SPOCK3: variants seen among roughly 807,000 people sequenced by gnomAD.
SPOCK3 encodes SPARC (osteonectin), cwcv and kazal like domains proteoglycan 3.
SPOCK3 carries 30 observed loss-of-function variants against 56.6 expected under a neutral mutation model. That is an observed-to-expected ratio of 0.53 (90% CI 0.40 to 0.72). SPOCK3 has a LOEUF of 0.72. Ranked by LOEUF, SPOCK3 falls within the 30% of genes least tolerant of loss-of-function variation. The pLI is 0.00. For missense variants in SPOCK3, 527 were observed against 530.0 expected (o/e 0.99, Z 0.06); for synonymous variants, 196 against 183.3 (o/e 1.07, Z -0.56).
chr4:167,148,339 A>G (rs1764147507), intron 2 of SPOCK3, among the ~76,000 whole-genome samples: 1 of 152,110 alleles, frequency 6.6e-6, no homozygotes, highest in African/African-American at 2.4e-5. Context: ...TGGTGGTGAG[A>G]CTGAAAAACC....
chr4:166,975,896 T>A (rs1443480750), intron 4 of SPOCK3, among the ~76,000 whole-genome samples: 4 of 152,118 alleles, frequency 2.6e-5, no homozygotes, highest in Non-Finnish European at 4.4e-5. Flanking sequence ...ATGTACCACA[T>A]TTTCTTGATC....
intron 2 of SPOCK3, among the ~76,000 whole-genome samples, chr4:167,153,551 G>C (rs1764580846): frequency 2.0e-5 from 3 of 152,118 alleles, no homozygotes; most frequent in Admixed American, 6.6e-5. Flanking sequence ...CACAGCACTA[G>C]TGGCTACAGT....
chr4:166,802,885 T>C (rs149937509), intron 6 of SPOCK3, among the ~76,000 whole-genome samples: 85 of 152,202 alleles, frequency 5.6e-4, no homozygotes, highest in African/African-American at 2.0e-3. Flanking sequence ...CAGGGCAGAT[T>C]TGAGCAATTC....
At chr4:166,826,185 C>G (rs1745456243) in intron 6 of SPOCK3, among the ~76,000 whole-genome samples, 1 of 151,770 alleles carries the variant, frequency 6.6e-6, no homozygotes, top group African/African-American at 2.4e-5. Flanking sequence ...AAATAACTTG[C>G]AAAAAAAGAT....
chr4:167,129,858 C>G (rs1762566410), intron 2 of SPOCK3, among the ~76,000 whole-genome samples: 1 of 152,118 alleles, frequency 6.6e-6, no homozygotes, highest in Admixed American at 6.6e-5. Context: ...TAAAGTTGCA[C>G]TAAAATTTCT....
chr4:167,151,256 GA>G (rs900480045), intron 2 of SPOCK3, among the ~76,000 whole-genome samples: 1 of 152,108 alleles, frequency 6.6e-6, no homozygotes, highest in African/African-American at 2.4e-5. Context: ...CTAAATTGAA[GA>G]AATGACGCTC....
rs1241949390 is a variant in SPOCK3 at position 166,847,661 on chromosome 4, A to ATC, written c.589+41468_589+41469insGA. 4.1e-5 allele frequency among the ~76,000 whole-genome samples: 4 copies of ATC among 97,030 alleles called. No homozygotes were observed. In the East Asian group the frequency reaches 1.3e-3, roughly 31 times the overall value. 63.7% of individuals were successfully genotyped at this position (97,030 alleles called of 152,430 possible). A position where few individuals can be genotyped will look rare whatever the true frequency, so the allele number is the denominator to read the frequency against. ...AAAATCCTAGTTTATATATATATAT[A>ATC]TATATATATATATATATATAAGAAT... On this transcript the variant is annotated intron_variant, in intron 6 of 10. Coordinates refer to ENST00000357545, the MANE Select transcript of SPOCK3 (RefSeq NM_001040159.2).
intron 2 of SPOCK3, among the ~76,000 whole-genome samples, chr4:167,163,175 T>C (rs1465393085): frequency 6.6e-6 from 1 of 150,594 alleles, no homozygotes; most frequent in Non-Finnish European, 1.5e-5. Flanking sequence ...GATTTTTTTT[T>C]TTTTTTTTTG....
intron 2 of SPOCK3, among the ~76,000 whole-genome samples, chr4:167,226,851 C>T (rs1736648263): frequency 6.6e-6 from 1 of 152,060 alleles, no homozygotes; most frequent in Non-Finnish European, 1.5e-5. Flanking sequence ...TGGTCTCATG[C>T]TTGCAAAAGA....
chr4:167,013,408 A>ATAT (rs1750286059), intron 3 of SPOCK3, among the ~76,000 whole-genome samples: 1 of 151,786 alleles, frequency 6.6e-6, no homozygotes, highest in South Asian at 2.1e-4. Context: ...ATTGTCTTCT[A>ATAT]AATTTCTTAA....
At chr4:166,792,408 G>C in intron 6 of SPOCK3, 119 bp from the exon 7 acceptor site, 1 of 1,034,260 alleles carries the variant, frequency 9.7e-7, no homozygotes, top group Non-Finnish European at 1.4e-6. Flanking sequence ...AGGTGTGACT[G>C]CATTTCAGCT....
At chr4:167,229,895 C>T (rs1736982996) in intron 2 of SPOCK3, among the ~76,000 whole-genome samples, 1 of 152,054 alleles carries the variant, frequency 6.6e-6, no homozygotes, top group Non-Finnish European at 1.5e-5. Flanking sequence ...TTCTATAACA[C>T]TAGTGGTCAC....
intron 2 of SPOCK3, among the ~76,000 whole-genome samples, chr4:167,098,656 A>C (rs1464748573): frequency 6.6e-6 from 1 of 151,918 alleles, no homozygotes; most frequent in Non-Finnish European, 1.5e-5. Flanking sequence ...ACGATTTTCC[A>C]ACCTTGTTTT....
intron 3 of SPOCK3, among the ~76,000 whole-genome samples, chr4:167,020,473 C>T (rs187087812): frequency 1.1e-4 from 17 of 152,160 alleles, no homozygotes; most frequent in Middle Eastern, 3.4e-3. Flanking sequence ...GTTATTAAGT[C>T]ATGGGGGTGC....
At chr4:166,821,016 A>G (rs1744882470) in intron 6 of SPOCK3, among the ~76,000 whole-genome samples, 1 of 152,070 alleles carries the variant, frequency 6.6e-6, no homozygotes, top group African/African-American at 2.4e-5. Context: ...GGTAGGTCAC[A>G]GCTTGAGAGA....
chr4:166,888,465 G>A (rs1372062887), intron 6 of SPOCK3, among the ~76,000 whole-genome samples: 1 of 151,946 alleles, frequency 6.6e-6, no homozygotes, highest in Non-Finnish European at 1.5e-5. Context: ...AGCAGCCATG[G>A]AGACTTTTTA....
chr4:166,935,972 G>C (rs543443549), intron 4 of SPOCK3, among the ~76,000 whole-genome samples: 1 of 152,268 alleles, frequency 6.6e-6, no homozygotes, highest in East Asian at 1.9e-4. Context: ...GTATGAGAAG[G>C]TCAGGTTTGG....
intron 4 of SPOCK3, among the ~76,000 whole-genome samples, chr4:166,929,829 A>G (rs941314839): frequency 2.6e-5 from 4 of 152,238 alleles, no homozygotes; most frequent in African/African-American, 9.6e-5. Flanking sequence ...GTAAATTATT[A>G]GTCTAATACA....
chr4:167,172,962 CTTAT>C (rs1425811624), intron 2 of SPOCK3, among the ~76,000 whole-genome samples: 2 of 151,982 alleles, frequency 1.3e-5, no homozygotes, highest in Non-Finnish European at 2.9e-5. Context: ...AAATCCTCCT[CTTAT>C]TTCTCTTTCA....
Sources: gnomAD v4.1 joint callset for allele counts (sites outside exome capture counted in the v4.1 genomes callset) on GRCh38, gnomAD v4.1.1 for gene constraint, MANE v1.5 for transcripts, NCBI Gene and HGNC (gene_info 2026-07-23, HGNC 2026-07-21) for gene names.